The following DOCK8 variants were observed in gnomAD, a reference collection of about 807,000 sequenced individuals.
DOCK8 encodes the protein dedicator of cytokinesis protein 8.
Under a neutral mutation model 245.6 loss-of-function variants are expected in DOCK8, and 141 were observed. The ratio of observed to expected loss-of-function variants is 0.57; its 90% CI spans 0.50 to 0.66. The LOEUF is 0.66. Ranked by LOEUF, DOCK8 falls within the 30% of genes least tolerant of loss-of-function variation. The pLI is 0.00. For synonymous variants in DOCK8, 1,168 were observed against 970.2 expected, an observed-to-expected ratio of 1.20 and a Z score of -3.79; for missense variants, 2,965 against 2,603.4, an observed-to-expected ratio of 1.14 and a Z score of -3.02.
intron 7 of DOCK8, among the ~76,000 whole-genome samples, chr9:323,068 G>T (rs2050591426): frequency 6.7e-6 from 1 of 149,682 alleles, no homozygotes; most frequent in South Asian, 2.1e-4. Context: ...ACTCCACCCT[G>T]GGTGACAAGA....
chr9:379,181 A>G (rs966993175), intron 20 of DOCK8, among the ~76,000 whole-genome samples: 2 of 152,192 alleles, frequency 1.3e-5, no homozygotes, highest in Admixed American at 1.3e-4. Flanking sequence ...AGTATATTGG[A>G]GCCAAACTAT....
At chr9:249,696 C>T (rs1457367477) in intron 1 of DOCK8, among the ~76,000 whole-genome samples, 2 of 152,238 alleles carry the variant, frequency 1.3e-5, no homozygotes, top group Non-Finnish European at 2.9e-5. Context: ...TGGCTCACTG[C>T]AACCTCTGCC....
At chr9:363,477 C>T (rs553985633) in intron 14 of DOCK8, among the ~76,000 whole-genome samples, 1 of 152,332 alleles carries the variant, frequency 6.6e-6, no homozygotes, top group South Asian at 2.1e-4. Context: ...GCAGGCAGAT[C>T]TTCCCTTCCA....
intron 14 of DOCK8, among the ~76,000 whole-genome samples, chr9:362,195 A>C (rs1351225873): frequency 6.6e-6 from 1 of 152,170 alleles, no homozygotes; most frequent in Non-Finnish European, 1.5e-5. Context: ...TTTTTACTCA[A>C]AACATGGTTT....
intron 1 of DOCK8, among the ~76,000 whole-genome samples, chr9:261,997 G>GAGAAAAAA (rs2047928066): frequency 6.8e-6 from 1 of 146,734 alleles, no homozygotes. Context: ...AAGAAAGAAG[G>GAGAAAAAA]AGAAAGAAAG....
At chr9:402,894 AT>A (rs1453492558) in intron 26 of DOCK8, among the ~76,000 whole-genome samples, 1 of 151,490 alleles carries the variant, frequency 6.6e-6, no homozygotes, top group Admixed American at 6.6e-5. Flanking sequence ...TGAAATGTCT[AT>A]TTTTTTTCTT....
At chr9:325,801 T>A in intron 8 of DOCK8, 64 bp downstream of exon 8, 1 of 1,362,046 alleles carries the variant, frequency 7.3e-7, no homozygotes. Context: ...TTTGCATGTA[T>A]GTTTTTAAAT....
chr9:323,993 C>G (rs1199661985), intron 7 of DOCK8, among the ~76,000 whole-genome samples: 1 of 152,196 alleles, frequency 6.6e-6, no homozygotes, highest in Non-Finnish European at 1.5e-5. Context: ...AAGATACATT[C>G]ACACACATCA....
At chr9:327,784 G>C (rs1242163681) in intron 8 of DOCK8, among the ~76,000 whole-genome samples, 1 of 152,100 alleles carries the variant, frequency 6.6e-6, no homozygotes, top group Non-Finnish European at 1.5e-5. Context: ...AATACCGGTG[G>C]GTTAATAAAC....
At chr9:259,026 G>A (rs1040634128) in intron 1 of DOCK8, among the ~76,000 whole-genome samples, 2 of 151,972 alleles carry the variant, frequency 1.3e-5, no homozygotes, top group Admixed American at 6.5e-5. Flanking sequence ...ACAACTCTCG[G>A]TTGAGTGTGG....
At chr9:432,133 A>G in intron 36 of DOCK8, 33 bp from the exon 37 acceptor site, 4 of 1,567,476 alleles carry the variant, frequency 2.6e-6, no homozygotes, top group Non-Finnish European at 3.4e-6. Context: ...TGTCTTATTT[A>G]CTTCATCTTT....
At chr9:400,137 C>T (rs2054756357) in intron 26 of DOCK8, among the ~76,000 whole-genome samples, 1 of 105,386 alleles carries the variant, frequency 9.5e-6, no homozygotes, top group South Asian at 3.1e-4. Flanking sequence ...TCACCATCAC[C>T]ACCACCTCCA....
At chr9:373,998 C>T (rs1354050786) in intron 18 of DOCK8, among the ~76,000 whole-genome samples, 2 of 152,216 alleles carry the variant, frequency 1.3e-5, no homozygotes, top group Non-Finnish European at 2.9e-5. Context: ...GATTCTGCCA[C>T]TCCCTAGCTG....
intron 14 of DOCK8, among the ~76,000 whole-genome samples, chr9:359,203 C>G (rs4741832): frequency 0.55 from 84,019 of 152,066 alleles, 24,740 homozygotes; most frequent in East Asian, 0.81. Context: ...TTTGGAGTAA[C>G]ATCCCTTTAG....
chr9:328,022 A>G lies in DOCK8; in HGVS notation c.895A>G (p.Ile299Val). The change falls in exon 9 of 48, where the codon ATC (isoleucine) becomes GTC (valine). Residue 299 changes from isoleucine to valine, a missense_variant and splice_region_variant. Physicochemically the swap from Ile to Val is conservative, Grantham distance 29 (BLOSUM62 3). Coordinates refer to ENST00000432829, the MANE Select transcript of DOCK8 (RefSeq NM_203447.4). ...ALYDVKERKK[I>V]SENFHCDLNS... ...ATTTCACTTTGCTGCTCATTTACAGATCTCAGAAAATTTTCACTGTGACCT... is the reference window on the plus strand; with the variant it reads ...ATTTCACTTTGCTGCTCATTTACAGGTCTCAGAAAATTTTCACTGTGACCT... The G allele has an allele frequency of 3.1e-6, 5 of 1,613,966 alleles. No individual in the cohort carries two copies. Among genetic ancestry groups the G allele is most frequent in the Non-Finnish European group, 3.4e-6 (4 of 1,179,820 alleles).
At chr9:372,729 C>A (rs1313085256) in intron 18 of DOCK8, among the ~76,000 whole-genome samples, 1 of 152,198 alleles carries the variant, frequency 6.6e-6, no homozygotes. Flanking sequence ...AATAGCCTTT[C>A]CCACTTCCTG....
At chr9:214,081 C>T (rs28707718), upstream of DOCK8, 2,338 of 163,268 alleles carry the variant, frequency 0.014, 59 homozygotes, top group African/African-American at 0.054. Flanking sequence ...ATGGAGAGTG[C>T]TCGAGTATAT....
intron 1 of DOCK8, among the ~76,000 whole-genome samples, chr9:246,273 C>CA (rs2047504065): frequency 6.6e-6 from 1 of 151,994 alleles, no homozygotes; most frequent in African/African-American, 2.4e-5. Flanking sequence ...ATAATCCCAA[C>CA]ACTGGAAGGC....
At chr9:227,221 C>T (rs1285825761) in intron 1 of DOCK8, among the ~76,000 whole-genome samples, 1 of 152,134 alleles carries the variant, frequency 6.6e-6, no homozygotes, top group Non-Finnish European at 1.5e-5. Flanking sequence ...CCATCCTGGT[C>T]AAATGGGATA....
Sources: allele counts gnomAD v4.1 joint callset (sites outside exome capture counted in the v4.1 genomes callset), GRCh38; gene constraint gnomAD v4.1.1; transcripts MANE v1.5; gene names NCBI Gene and HGNC (gene_info 2026-07-23, HGNC 2026-07-21).